The following FBLN5 variants were observed in gnomAD, a reference collection of about 807,000 sequenced individuals.
FBLN5 encodes the protein fibulin 5.
In FBLN5, 24 loss-of-function variants were observed where a neutral mutation model predicts 61.6. That is an observed-to-expected ratio of 0.39 (90% CI 0.28 to 0.55). FBLN5 has a LOEUF of 0.55. Ranked by LOEUF, FBLN5 falls within the 20% of genes least tolerant of loss-of-function variation. The pLI, the probability that FBLN5 is intolerant of heterozygous loss-of-function variation, is 0.65. For missense variants in FBLN5, 470 were observed against 594.1 expected, an observed-to-expected ratio of 0.79 and a Z score of 2.17; for synonymous variants, 213 against 219.8, an observed-to-expected ratio of 0.97 and a Z score of 0.27.
chr14:91,869,797 C>T lies in FBLN5; in HGVS notation c.*427G>A, dbSNP rs1888833112. The stretch of plus-strand genomic sequence containing the variant: ...CAAACTAGCTACTCCCAGGGTTCCC[C>T]GCCAGCTCCCGGGTCTTTGCAAAGC... On this transcript the variant is annotated 3_prime_UTR_variant, in exon 11 of 11. Coordinates refer to ENST00000342058, the MANE Select transcript of FBLN5 (RefSeq NM_006329.4). 4.1e-6 allele frequency: 1 copy of T among 245,216 alleles called. No individual in the cohort carries two copies. The highest frequency in any genetic ancestry group is 8.1e-6 in the Non-Finnish European group (1 of 123,214). The allele number at this position is 245,216 out of a possible 1,614,324, so 15.2% of individuals were successfully genotyped here.
At chr14:91,888,203 G>A (rs1313841018) in intron 6 of FBLN5, among the ~76,000 whole-genome samples, 1 of 152,078 alleles carries the variant, frequency 6.6e-6, no homozygotes, top group East Asian at 1.9e-4. Flanking sequence ...GGAGGCTGAG[G>A]AGGGAGAATC....
At chr14:91,894,894 C>T in intron 5 of FBLN5, 56 bp downstream of exon 5, 2 of 1,357,502 alleles carry the variant, frequency 1.5e-6, no homozygotes, top group African/African-American at 1.5e-5. Context: ...CCTCAAAATG[C>T]CCCTGGCAAC....
chr14:91,914,680 G>A (rs1030672959), intron 4 of FBLN5, among the ~76,000 whole-genome samples: 1 of 151,154 alleles, frequency 6.6e-6, no homozygotes, highest in African/African-American at 2.4e-5. Flanking sequence ...CCAAAACATA[G>A]AAAGAAAAGA....
intron 5 of FBLN5, among the ~76,000 whole-genome samples, chr14:91,891,736 G>A (rs1890005503): frequency 6.6e-6 from 1 of 152,146 alleles, no homozygotes; most frequent in Non-Finnish European, 1.5e-5. Flanking sequence ...CAGCTCTTAA[G>A]ATTTATCCAA....
At chr14:91,901,349 A>C (rs186748772) in intron 4 of FBLN5, among the ~76,000 whole-genome samples, 1 of 152,340 alleles carries the variant, frequency 6.6e-6, no homozygotes, top group Non-Finnish European at 1.5e-5. Context: ...GAAGCTTTCC[A>C]AGAGCCCTTG....
intron 10 of FBLN5, among the ~76,000 whole-genome samples, chr14:91,876,697 G>T (rs945456277): frequency 3.3e-5 from 5 of 152,118 alleles, no homozygotes; most frequent in African/African-American, 1.2e-4. Flanking sequence ...GATATGGAAC[G>T]GATTCTCCTC....
chr14:91,897,433 G>A (rs536414229), intron 4 of FBLN5, among the ~76,000 whole-genome samples: 28 of 152,238 alleles, frequency 1.8e-4, no homozygotes, highest in Non-Finnish European at 3.2e-4. Context: ...TGTGTGCTGG[G>A]AACAACACTG....
rs765532261 is a variant in FBLN5, at chr14:91,869,763, C to T, written c.*461G>A. 9 of 232,612 alleles carry T rather than the reference C, an allele frequency of 3.9e-5. No individual in the cohort carries two copies. Among genetic ancestry groups the T allele is most frequent in the South Asian group, 3.2e-4 (5 of 15,624 alleles). The allele number at this position is 232,612 out of a possible 1,614,324, so 14.4% of individuals were successfully genotyped here. On this transcript the variant is annotated 3_prime_UTR_variant, in exon 11 of 11. Coordinates refer to ENST00000342058, the MANE Select transcript of FBLN5 (RefSeq NM_006329.4). The stretch of plus-strand genomic sequence containing the variant: ...TTGTTTACATAGCCTTCTCTGTGTA[C>T]GCAAAAAGCAAACTAGCTACTCCCA...
intron 4 of FBLN5, among the ~76,000 whole-genome samples, chr14:91,896,386 C>T (rs1369669478): frequency 6.6e-6 from 1 of 152,166 alleles, no homozygotes; most frequent in African/African-American, 2.4e-5. Flanking sequence ...GGTCACCTTC[C>T]CTCCCCTCTT....
At chr14:91,894,873 CTATGCCCATACCT>C in intron 5 of FBLN5, 64 bp downstream of exon 5, 1 of 1,494,452 alleles carries the variant, frequency 6.7e-7, no homozygotes, top group South Asian at 1.1e-5. Flanking sequence ...AGGCAGCCAG[CTATGCCCATACCT>C]CAAAATGCCC....
intron 4 of FBLN5, among the ~76,000 whole-genome samples, chr14:91,925,448 G>T (rs2055811579): frequency 6.6e-6 from 1 of 152,168 alleles, no homozygotes; most frequent in Non-Finnish European, 1.5e-5. Flanking sequence ...CCTTCCCCAA[G>T]CATGCTCCTC....
chr14:91,929,900 C>G (rs912316703), intron 4 of FBLN5, among the ~76,000 whole-genome samples: 1 of 152,182 alleles, frequency 6.6e-6, no homozygotes, highest in African/African-American at 2.4e-5. Flanking sequence ...TTCATGGGCA[C>G]AGCTACTTTT....
chr14:91,896,294 C>T (rs544532562), intron 4 of FBLN5, among the ~76,000 whole-genome samples: 15 of 152,300 alleles, frequency 9.8e-5, no homozygotes, highest in African/African-American at 2.4e-4. Context: ...CAAGGATCCA[C>T]GGTGCCTCCT....
chr14:91,890,429 C>T (rs560941175), intron 6 of FBLN5, among the ~76,000 whole-genome samples: 1 of 152,278 alleles, frequency 6.6e-6, no homozygotes, highest in East Asian at 1.9e-4. Context: ...CCAACCTGGG[C>T]CAAGCAGCTG....
chr14:91,928,013 G>A (rs61988363), intron 4 of FBLN5, among the ~76,000 whole-genome samples: 2,590 of 152,290 alleles, frequency 0.017, 43 homozygotes, highest in Non-Finnish European at 0.027. Context: ...CCACCAGTGG[G>A]ACCCCACCCA....
In FBLN5 at chr14:91,946,792, C is replaced by A. The variant is rs747910539; in HGVS notation, c.17+421G>T. 15 of 1,535,768 alleles carry A rather than the reference C, an allele frequency of 9.8e-6. No homozygotes were observed. The Admixed American group carries it at 2.2e-4, about 22-fold the overall frequency. On this transcript the variant is annotated intron_variant, in intron 1 of 10. Coordinates refer to ENST00000342058, the MANE Select transcript of FBLN5 (RefSeq NM_006329.4). ...CCACACAAACATAGAGCAAATCCAG[C>A]CCCGCGGTGTTCAGCTAGCCTGTCT...
At position 91,883,657 on chromosome 14, in the gene FBLN5, C is replaced by CAAAA. The variant is rs58378742; in HGVS notation, c.740-585_740-582dup. 6.4e-3 allele frequency among the ~76,000 whole-genome samples: 826 copies of CAAAA among 129,318 alleles called. 14 individuals are homozygous for CAAAA. Among genetic ancestry groups the CAAAA allele is most frequent in the Non-Finnish European group, 9.4e-3 (594 of 63,300 alleles). 84.8% of individuals were successfully genotyped at this position (129,318 alleles called of 152,430 possible). On this transcript the variant is annotated intron_variant, in intron 7 of 10. Transcript: ENST00000342058. Reference sequence around the variant, plus strand: ...AAACTTCACTGTGTAAAAAAAAAAACAAAAAAAACACACACACACAAAAAC... The same window carrying CAAAA: ...AAACTTCACTGTGTAAAAAAAAAAACAAAAAAAAAAAACACACACACACAAAAAC...
At position 91,896,295 on chromosome 14, in the gene FBLN5, G is replaced by A. The variant is rs551045139; in HGVS notation, c.380-1223C>T. Among the ~76,000 whole-genome samples, 18 of 152,232 alleles carry A rather than the reference G, an allele frequency of 1.2e-4. No individual in the cohort carries two copies. The East Asian group carries it at 1.5e-3, about 13-fold the overall frequency. On this transcript the variant is annotated intron_variant, in intron 4 of 10. Coordinates refer to ENST00000342058, the MANE Select transcript of FBLN5 (RefSeq NM_006329.4). ...ATTAATTTACTCCACAAGGATCCAC[G>A]GTGCCTCCTGGATCTGCCTGGTCCA...
At position 91,947,305 on chromosome 14, in the gene FBLN5, C is replaced by T; in HGVS notation, c.-76G>A. On this transcript the variant is annotated 5_prime_UTR_variant, in exon 1 of 11. The change creates a new upstream start codon in the 5' untranslated region. Coordinates refer to ENST00000342058, the MANE Select transcript of FBLN5 (RefSeq NM_006329.4). The surrounding 1 kb of genome is among the most constrained non-coding windows in gnomAD (Gnocchi z 4.3). ...CGGGACCCCCGGAGGAGCTCGGGCACGTCGGCCTCCTCTGGGCCCTCGGGG... is the reference window on the plus strand; with the variant it reads ...CGGGACCCCCGGAGGAGCTCGGGCATGTCGGCCTCCTCTGGGCCCTCGGGG... The T allele has an allele frequency of 6.4e-7, 1 of 1,570,058 alleles. No individual in the cohort carries two copies. The highest frequency in any genetic ancestry group is 8.8e-7 in the Non-Finnish European group (1 of 1,140,820).
Sources: gnomAD v4.1 joint callset for allele counts (sites outside exome capture counted in the v4.1 genomes callset) on GRCh38, gnomAD v4.1.1 for gene constraint, Gnocchi (gnomAD v3.1) non-coding constraint, MANE v1.5 for transcripts, NCBI Gene and HGNC (gene_info 2026-07-23, HGNC 2026-07-21) for gene names.